Variants in CEP350 observed in about 807,000 individuals in gnomAD.
The protein encoded by CEP350 is centrosomal protein 350, also known as centrosome-associated protein 350.
A neutral mutation model predicts 331.8 loss-of-function variants in CEP350; 126 were observed. That is an observed-to-expected ratio of 0.38 (90% confidence interval 0.33 to 0.44). The LOEUF (loss-of-function observed/expected upper bound fraction) is 0.44, where lower values mean the gene tolerates loss of function less well. Ranked by LOEUF, CEP350 falls within the 20% of genes least tolerant of loss-of-function variation. CEP350 has a pLI of 1.00. For synonymous variants in CEP350, 1,200 were observed against 1,259.5 expected, an observed-to-expected ratio of 0.95 and a Z score of 1.00; for missense variants, 3,406 against 3,634.6, an observed-to-expected ratio of 0.94 and a Z score of 1.62.
At chr1:179,960,577 G>A (rs1650531969) in intron 1 of CEP350, among the ~76,000 whole-genome samples, 1 of 152,034 alleles carries the variant, frequency 6.6e-6, no homozygotes, top group Non-Finnish European at 1.5e-5. Flanking sequence ...ACAAGAGATT[G>A]TGTTCCATTT....
intron 36 of CEP350, 140 bp from the exon 37 acceptor site, chr1:180,098,723 A>G (rs977245759): frequency 1.5e-6 from 1 of 669,254 alleles, no homozygotes; most frequent in Non-Finnish European, 2.4e-6. Context: ...GCTATGTGGA[A>G]CTGTAAGTGG....
Position 180,055,535 on chromosome 1 carries a change from C to G in CEP350, c.5262+1033C>G, listed in dbSNP as rs555830629. On this transcript the variant is annotated intron_variant, in intron 25 of 37. Coordinates refer to ENST00000367607, the MANE Select transcript of CEP350 (RefSeq NM_014810.5). ...CAGATAATATGAATTTGAATAAATTCTGAATTCCATCTTTTTTTTTTTTTT... is the reference window on the plus strand; with the variant it reads ...CAGATAATATGAATTTGAATAAATTGTGAATTCCATCTTTTTTTTTTTTTT... 2.9e-5 allele frequency among the ~76,000 whole-genome samples: 4 copies of G among 138,668 alleles called. No individual in the cohort carries two copies. The South Asian group carries it at 9.6e-4, about 33-fold the overall frequency. The allele number at this position is 138,668 out of a possible 152,430, so 91.0% of individuals were successfully genotyped here.
intron 1 of CEP350, among the ~76,000 whole-genome samples, chr1:179,960,483 T>G (rs796982249): frequency 1.4e-4 from 21 of 152,192 alleles, no homozygotes; most frequent in East Asian, 1.2e-3. Context: ...TTTGAGAAAT[T>G]TTAATGGAAA....
At chr1:180,106,969 A>G (rs60927554) in intron 37 of CEP350, among the ~76,000 whole-genome samples, 5,387 of 152,202 alleles carry the variant, frequency 0.035, 181 homozygotes, top group African/African-American at 0.072. Flanking sequence ...CCATTGTTCC[A>G]GGCTACCACC....
chr1:179,957,367 AATC>A lies in CEP350; in HGVS notation c.-14+2230_-14+2232del, dbSNP rs558472116. Among the ~76,000 whole-genome samples, 1,212 of 152,296 alleles carry A rather than the reference AATC, an allele frequency of 8.0e-3. 10 individuals are homozygous for A. The highest frequency in any genetic ancestry group is 0.022 in the South Asian group (108 of 4,820). Reference sequence around the variant, plus strand: ...AAATTTTAGTGTTATAGTGTAAAAAAATCATCAGATTGCATAGTATTTTTTTCT... The same window carrying A: ...AAATTTTAGTGTTATAGTGTAAAAAAATCAGATTGCATAGTATTTTTTTCT... On this transcript the variant is annotated intron_variant, in intron 1 of 37. Transcript: ENST00000367607.
At chr1:179,992,985 T>A (rs1653202114) in intron 5 of CEP350, among the ~76,000 whole-genome samples, 1 of 152,114 alleles carries the variant, frequency 6.6e-6, no homozygotes, top group South Asian at 2.1e-4. Context: ...ATGTTTGTAC[T>A]CTTAAATTTT....
intron 3 of CEP350, among the ~76,000 whole-genome samples, chr1:179,990,183 CAA>C (rs564803650): frequency 7.4e-6 from 1 of 134,854 alleles, no homozygotes; most frequent in African/African-American, 2.7e-5. Flanking sequence ...GAGACCGTCT[CAA>C]AAAAAAAAAA....
At chr1:180,091,564 C>T (rs1462350925) in intron 33 of CEP350, among the ~76,000 whole-genome samples, 3 of 152,140 alleles carry the variant, frequency 2.0e-5, no homozygotes, top group African/African-American at 7.2e-5. Context: ...GGCGCAGCAG[C>T]TCACGCCTAT....
At chr1:179,984,785 T>C (rs183945371) in intron 1 of CEP350, among the ~76,000 whole-genome samples, 3 of 152,184 alleles carry the variant, frequency 2.0e-5, no homozygotes, top group Non-Finnish European at 4.4e-5. Context: ...AAATTACTTA[T>C]TAATGATTAT....
At chr1:179,991,445 G>A (rs904193357) in intron 4 of CEP350, among the ~76,000 whole-genome samples, 5 of 149,376 alleles carry the variant, frequency 3.3e-5, no homozygotes, top group Admixed American at 6.7e-5. Flanking sequence ...CCGCGCCACC[G>A]GGCCTTTCTA....
intron 17 of CEP350, among the ~76,000 whole-genome samples, chr1:180,039,081 G>T (rs377632374): frequency 4.7e-5 from 7 of 149,874 alleles, no homozygotes; most frequent in Admixed American, 4.7e-4. Flanking sequence ...GCCATCCACC[G>T]TGGCGTATGC....
intron 21 of CEP350, among the ~76,000 whole-genome samples, chr1:180,045,099 T>C (rs1176568171): frequency 6.6e-6 from 1 of 152,164 alleles, no homozygotes; most frequent in East Asian, 1.9e-4. Flanking sequence ...TCCAGCACTT[T>C]GGGAGGCCGA....
chr1:180,008,680 A>G (rs1654417286), intron 8 of CEP350, among the ~76,000 whole-genome samples: 1 of 152,218 alleles, frequency 6.6e-6, no homozygotes, highest in South Asian at 2.1e-4. Context: ...CTTAGACAAT[A>G]CATTGGTAAG....
chr1:180,064,613 C>CT (rs1407500167), intron 26 of CEP350, among the ~76,000 whole-genome samples: 1 of 152,014 alleles, frequency 6.6e-6, no homozygotes, highest in Non-Finnish European at 1.5e-5. Context: ...TCTTTACAAA[C>CT]TTTTTTAATT....
At chr1:180,099,059 G>C (rs1660648197) in intron 37 of CEP350, 74 bp downstream of exon 37, 1 of 1,439,634 alleles carries the variant, frequency 6.9e-7, no homozygotes, top group Non-Finnish European at 9.5e-7. Context: ...GATTCTAAAA[G>C]GAAAAGGGAT....
At chr1:180,041,996 G>T (rs1656788841) in intron 19 of CEP350, among the ~76,000 whole-genome samples, 194 bp downstream of exon 19, 1 of 152,076 alleles carries the variant, frequency 6.6e-6, no homozygotes. Context: ...GAATGTTATA[G>T]AGGCAGAAAA....
intron 11 of CEP350, 60 bp downstream of exon 11, chr1:180,016,030 C>A: frequency 6.3e-7 from 1 of 1,585,960 alleles, no homozygotes; most frequent in South Asian, 1.1e-5. Flanking sequence ...GCGGAGTGGT[C>A]TATGTTCAGA....
Position 180,084,513 on chromosome 1 carries a change from C to T in CEP350, c.6285+335C>T, listed in dbSNP as rs111968035. Among the ~76,000 whole-genome samples the T allele has an allele frequency of 4.9e-3, 753 of 152,122 alleles. 5 individuals are homozygous for T. The highest frequency in any genetic ancestry group is 0.017 in the African/African-American group (717 of 41,492). On this transcript the variant is annotated intron_variant, in intron 31 of 37. Transcript: ENST00000367607. ...CTGAGTAGCTGGGACTACAGGCGTCCGCCACTACGCCCGGCTAATTTTTTG... is the reference window on the plus strand; with the variant it reads ...CTGAGTAGCTGGGACTACAGGCGTCTGCCACTACGCCCGGCTAATTTTTTG...
chr1:179,997,961 C>T (rs1054076853), intron 6 of CEP350, among the ~76,000 whole-genome samples: 15 of 151,366 alleles, frequency 9.9e-5, no homozygotes, highest in African/African-American at 3.6e-4. Flanking sequence ...ATTTAAATCA[C>T]ATTTATGCCA....
Sources: gnomAD v4.1 joint callset for allele counts (sites outside exome capture counted in the v4.1 genomes callset) on GRCh38, gnomAD v4.1.1 for gene constraint, MANE v1.5 for transcripts, NCBI Gene and HGNC (gene_info 2026-07-23, HGNC 2026-07-21) for gene names.